Variants in B3GALT1 observed in about 807,000 individuals in gnomAD.
B3GALT1 encodes beta-1,3-galactosyltransferase 1, also known as UDP-Gal:betaGlcNAc beta 1,3-galactosyltransferase, polypeptide 1.
A neutral mutation model predicts 23.2 loss-of-function variants in B3GALT1; 10 were observed. That is an observed-to-expected ratio of 0.43 (90% CI 0.27 to 0.73). The LOEUF is 0.73. Ranked by LOEUF, B3GALT1 falls within the 30% of genes least tolerant of loss-of-function variation. The pLI, the probability that B3GALT1 is intolerant of heterozygous loss-of-function variation, is 0.21. For synonymous variants in B3GALT1, 156 were observed against 141.5 expected (o/e 1.10, Z -0.73); for missense variants, 299 against 405.4 (o/e 0.74, Z 2.25).
chr2:167,460,781 T>C (rs895921644), intron 1 of B3GALT1, among the ~76,000 whole-genome samples: 2 of 152,306 alleles, frequency 1.3e-5, no homozygotes, highest in African/African-American at 4.8e-5. Context: ...TTTTTGTTTA[T>C]TATTTTGTAA....
At chr2:167,856,006 C>A (rs1689994021) in intron 4 of B3GALT1, among the ~76,000 whole-genome samples, 1 of 151,988 alleles carries the variant, frequency 6.6e-6, no homozygotes, top group Non-Finnish European at 1.5e-5. Flanking sequence ...TCTAAAGGGC[C>A]AAGTAAAAAC....
chr2:167,456,730 ACAGT>A (rs939878622), intron 1 of B3GALT1, among the ~76,000 whole-genome samples: 5 of 152,170 alleles, frequency 3.3e-5, no homozygotes, highest in African/African-American at 1.2e-4. Context: ...CAACGCAAGA[ACAGT>A]CAAATAAAAG....
At chr2:167,714,955 A>C (rs1687120355) in intron 3 of B3GALT1, 1 of 1,611,468 alleles carries the variant, frequency 6.2e-7, no homozygotes, top group Admixed American at 1.7e-5. Flanking sequence ...CACTTTCAAA[A>C]TATATGTTTT....
At chr2:167,493,691 T>C (rs1012769979) in intron 2 of B3GALT1, among the ~76,000 whole-genome samples, 4 of 152,138 alleles carry the variant, frequency 2.6e-5, no homozygotes, top group Non-Finnish European at 5.9e-5. Flanking sequence ...GGGGAAGAAG[T>C]AGGATGATAA....
At chr2:167,710,800 G>A (rs17581611) in intron 3 of B3GALT1, among the ~76,000 whole-genome samples, 46,060 of 151,976 alleles carry the variant, frequency 0.3, 7,743 homozygotes, top group Non-Finnish European at 0.4. Context: ...GACCTGCTAA[G>A]TCTGCTTTTA....
chr2:167,829,210 G>A (rs1392628102), intron 4 of B3GALT1, among the ~76,000 whole-genome samples: 2 of 152,194 alleles, frequency 1.3e-5, no homozygotes, highest in Non-Finnish European at 2.9e-5. Flanking sequence ...TAGGCCAGGT[G>A]CGGTGGCTCA....
intron 1 of B3GALT1, among the ~76,000 whole-genome samples, chr2:167,447,392 C>G (rs927427175): frequency 2.0e-5 from 3 of 152,202 alleles, no homozygotes; most frequent in Admixed American, 6.5e-5. Flanking sequence ...TCAAAGCTGT[C>G]AGACAGGGAC....
chr2:167,503,448 C>G (rs1393599299), intron 2 of B3GALT1, among the ~76,000 whole-genome samples: 1 of 152,164 alleles, frequency 6.6e-6, no homozygotes, highest in Non-Finnish European at 1.5e-5. Context: ...TCTTGTTAGA[C>G]TAAAGCCTCC....
chr2:167,552,106 A>G (rs1683758593), intron 2 of B3GALT1, among the ~76,000 whole-genome samples: 1 of 152,168 alleles, frequency 6.6e-6, no homozygotes, highest in Non-Finnish European at 1.5e-5. Flanking sequence ...CTTGCAATGG[A>G]AAATTCTCAG....
chr2:167,301,888 G>A (rs1210481054), intron 1 of B3GALT1, among the ~76,000 whole-genome samples: 1 of 152,116 alleles, frequency 6.6e-6, no homozygotes, highest in East Asian at 1.9e-4. Context: ...TCAAGGGACT[G>A]TAAATAGCAG....
chr2:167,489,544 G>A (rs1699675215), intron 1 of B3GALT1, among the ~76,000 whole-genome samples: 1 of 152,168 alleles, frequency 6.6e-6, no homozygotes, highest in African/African-American at 2.4e-5. Context: ...TTCCTTGCGA[G>A]TTCCAGAAAA....
chr2:167,833,649 A>AAACTG (rs1395423864), intron 4 of B3GALT1, among the ~76,000 whole-genome samples: 1 of 152,224 alleles, frequency 6.6e-6, no homozygotes, highest in Non-Finnish European at 1.5e-5. Context: ...GGAGAAAGGA[A>AAACTG]AACTGAAAGT....
intron 3 of B3GALT1, among the ~76,000 whole-genome samples, chr2:167,686,478 A>C (rs1686617843): frequency 2.0e-5 from 3 of 152,230 alleles, no homozygotes. Context: ...ATATCATAAA[A>C]TTTAAAGGAA....
chr2:167,606,208 G>A (rs889704934), intron 2 of B3GALT1, among the ~76,000 whole-genome samples: 4 of 152,096 alleles, frequency 2.6e-5, no homozygotes, highest in African/African-American at 9.7e-5. Context: ...GGGAGATTAG[G>A]GCAAATCATA....
intron 1 of B3GALT1, among the ~76,000 whole-genome samples, chr2:167,480,614 A>C (rs1166731086): frequency 6.6e-6 from 1 of 152,140 alleles, no homozygotes; most frequent in Non-Finnish European, 1.5e-5. Flanking sequence ...AAAACAAACA[A>C]ACAAACGAAA....
rs935608144 is a variant in B3GALT1 at position 167,713,573 on chromosome 2, G to C, written c.-352+66607G>C. On this transcript the variant is annotated intron_variant, in intron 3 of 4. Coordinates refer to ENST00000392690, the MANE Select transcript of B3GALT1 (RefSeq NM_020981.4). ...TCCATTAAACTTCAATTTGAGAAAAGTGTAATCACTTAAGTAACAGCAGTT... is the reference window on the plus strand; with the variant it reads ...TCCATTAAACTTCAATTTGAGAAAACTGTAATCACTTAAGTAACAGCAGTT... The C allele has an allele frequency of 2.4e-5, 19 of 802,986 alleles. 1 individual carries two copies. The Admixed American group carries it at 2.4e-4, about 10-fold the overall frequency. 49.7% of individuals were successfully genotyped at this position (802,986 alleles called of 1,614,324 possible).
At chr2:167,294,398 A>G (rs1659279622) in intron 1 of B3GALT1, among the ~76,000 whole-genome samples, 1 of 152,242 alleles carries the variant, frequency 6.6e-6, no homozygotes, top group South Asian at 2.1e-4. Flanking sequence ...ATCTTATTTG[A>G]TAAAGCTGTT....
intron 2 of B3GALT1, among the ~76,000 whole-genome samples, chr2:167,621,622 T>C (rs1574173080): frequency 6.6e-6 from 1 of 152,040 alleles, no homozygotes; most frequent in Non-Finnish European, 1.5e-5. Context: ...CACCCAAATC[T>C]CATCTTGAAT....
chr2:167,562,005 AAAG>A (rs1243201288), intron 2 of B3GALT1, among the ~76,000 whole-genome samples: 2 of 152,224 alleles, frequency 1.3e-5, no homozygotes, highest in Non-Finnish European at 2.9e-5. Context: ...CACAACCAAA[AAAG>A]AGAATTTTAG....
Sources: allele counts gnomAD v4.1 joint callset (sites outside exome capture counted in the v4.1 genomes callset), GRCh38; gene constraint gnomAD v4.1.1; transcripts MANE v1.5; gene names NCBI Gene and HGNC (gene_info 2026-07-23, HGNC 2026-07-21).